Variants in CNBD1 observed in about 807,000 individuals in gnomAD.
The protein encoded by CNBD1 is cyclic nucleotide-binding domain-containing protein 1.
Under a neutral mutation model 54.4 loss-of-function variants are expected in CNBD1, and 71 were observed. That is an observed-to-expected ratio of 1.30 (90% confidence interval 1.08 to 1.59). The LOEUF (loss-of-function observed/expected upper bound fraction) is 1.59, where lower values mean the gene tolerates loss of function less well. Among genes scored for constraint, CNBD1 ranks in the 40% most tolerant of loss-of-function variants. The probability of loss-of-function intolerance (pLI) is 0.00; values close to 1 mark genes in which losing one functional copy is unlikely to be tolerated. For synonymous variants in CNBD1, 182 were observed against 170.7 expected (o/e 1.07, Z -0.51); for missense variants, 659 against 518.0 (o/e 1.27, Z -2.64).
intron 5 of CNBD1, among the ~76,000 whole-genome samples, chr8:87,233,220 T>C (rs990636902): frequency 1.3e-5 from 2 of 152,170 alleles, no homozygotes; most frequent in African/African-American, 4.8e-5. Context: ...GATTCTCCCA[T>C]AATTACACAA....
At chr8:86,888,101 A>T (rs1808707823) in intron 2 of CNBD1, among the ~76,000 whole-genome samples, 1 of 152,064 alleles carries the variant, frequency 6.6e-6, no homozygotes, top group South Asian at 2.1e-4. Context: ...GAATTATAAA[A>T]CTGGTTATTT....
chr8:87,411,723 C>A (rs2130985558), intron 2 of CNBD1, among the ~76,000 whole-genome samples: 1 of 149,630 alleles, frequency 6.7e-6, no homozygotes, highest in East Asian at 2.0e-4. Context: ...TGTAAATTTT[C>A]ACCACCAAGT....
chr8:87,001,401 G>A (rs928625109), intron 4 of CNBD1, among the ~76,000 whole-genome samples: 2 of 151,922 alleles, frequency 1.3e-5, no homozygotes, highest in African/African-American at 4.8e-5. Flanking sequence ...TTTGGAAGAG[G>A]ATATGTGCCT....
chr8:87,194,649 CTAA>C (rs752715759), intron 4 of CNBD1, among the ~76,000 whole-genome samples: 41 of 152,022 alleles, frequency 2.7e-4, no homozygotes, highest in African/African-American at 9.2e-4. Context: ...AATATTTTGA[CTAA>C]TGTTAATATG....
intron 8 of CNBD1, among the ~76,000 whole-genome samples, chr8:87,327,903 G>C (rs982273088): frequency 6.6e-6 from 1 of 151,718 alleles, no homozygotes; most frequent in African/African-American, 2.4e-5. Context: ...TTTTTGAGTT[G>C]ATTTTTGTGT....
intron 4 of CNBD1, among the ~76,000 whole-genome samples, chr8:87,064,081 C>T (rs1177652263): frequency 6.6e-6 from 1 of 151,684 alleles, no homozygotes; most frequent in Non-Finnish European, 1.5e-5. Flanking sequence ...ATCTTTATAC[C>T]CTTTTTCCCC....
chr8:87,384,086 G>C (rs80135892), downstream of CNBD1, among the ~76,000 whole-genome samples: 2,288 of 152,110 alleles, frequency 0.015, 59 homozygotes, highest in African/African-American at 0.049. Context: ...CATTTGGCTT[G>C]TCCTTTATAG....
chr8:87,339,789 G>T (rs78312755), intron 8 of CNBD1, among the ~76,000 whole-genome samples: 3 of 151,932 alleles, frequency 2.0e-5, no homozygotes, highest in Non-Finnish European at 4.4e-5. Flanking sequence ...CATACAATGA[G>T]TCTACACTTT....
At chr8:87,047,097 G>A (rs1245785800) in intron 4 of CNBD1, among the ~76,000 whole-genome samples, 1 of 152,022 alleles carries the variant, frequency 6.6e-6, no homozygotes, top group Non-Finnish European at 1.5e-5. Flanking sequence ...TTACCCTCCA[G>A]ACCTCCTCAC....
intron 10 of CNBD1, among the ~76,000 whole-genome samples, chr8:87,354,317 ATGGTAAGCATTCAGGGGTACTTG>A (rs1810374649): frequency 6.6e-6 from 1 of 152,176 alleles, no homozygotes; most frequent in Admixed American, 6.5e-5. Flanking sequence ...AGAAATATTT[ATGGTAAGCATTCAGGGGTACTTG>A]GTGGATCCCA....
chr8:87,228,779 C>G (rs1026619796), intron 5 of CNBD1, among the ~76,000 whole-genome samples: 5 of 152,092 alleles, frequency 3.3e-5, no homozygotes, highest in Non-Finnish European at 5.9e-5. Flanking sequence ...CCAGTTCGAG[C>G]TTCCAGGCTG....
At chr8:87,398,905 C>G (rs377185995) in intron 2 of CNBD1, among the ~76,000 whole-genome samples, 1 of 152,018 alleles carries the variant, frequency 6.6e-6, no homozygotes, top group African/African-American at 2.4e-5. Context: ...ATCAGACCCA[C>G]CTATTCTCCT....
chr8:87,409,937 C>T lies in CNBD1; in HGVS notation c.214-18609C>T, dbSNP rs1163554407. Among the ~76,000 whole-genome samples the T allele has an allele frequency of 6.6e-5, 10 of 151,820 alleles. No homozygotes were observed. In the South Asian group the frequency reaches 8.3e-4, roughly 13 times the overall value. On this transcript the variant is annotated intron_variant, in intron 2 of 7. Coordinates refer to the CNBD1 transcript ENST00000521593. ...ACTCAGGAGGCTGAGGCAGGAGAAT[C>T]GCTTGAACCCAGGAGAGGGAGGTTG...
chr8:87,024,670 T>C (rs898162222), intron 4 of CNBD1, among the ~76,000 whole-genome samples: 6 of 152,136 alleles, frequency 3.9e-5, no homozygotes, highest in African/African-American at 1.2e-4. Flanking sequence ...TAAAAAAAAG[T>C]AATTGATTAT....
intron 10 of CNBD1, among the ~76,000 whole-genome samples, chr8:87,367,987 C>A (rs1203462618): frequency 6.6e-6 from 1 of 151,910 alleles, no homozygotes; most frequent in Non-Finnish European, 1.5e-5. Context: ...CATGGTGAAA[C>A]CCAATCTTTC....
At chr8:86,869,317 G>A (rs908923187) in intron 1 of CNBD1, among the ~76,000 whole-genome samples, 4 of 150,916 alleles carry the variant, frequency 2.7e-5, no homozygotes, top group African/African-American at 4.9e-5. Context: ...GAGGCTCCTC[G>A]TAGCGTCATC....
At chr8:87,263,370 G>A (rs1351784403) in intron 6 of CNBD1, among the ~76,000 whole-genome samples, 1 of 151,640 alleles carries the variant, frequency 6.6e-6, no homozygotes, top group East Asian at 1.9e-4. Context: ...TTAGAACTTG[G>A]TATGCATAAT....
intron 4 of CNBD1, 32 bp downstream of exon 4, chr8:86,939,786 TTGAG>T (rs1809618963): frequency 3.8e-6 from 5 of 1,330,966 alleles, no homozygotes; most frequent in African/African-American, 3.0e-5. Flanking sequence ...CTTCTTCTAA[TTGAG>T]TAATTCTTTT....
At chr8:87,329,162 T>A (rs769320725) in intron 8 of CNBD1, among the ~76,000 whole-genome samples, 8 of 152,214 alleles carry the variant, frequency 5.3e-5, no homozygotes, top group Non-Finnish European at 8.8e-5. Context: ...TGTTCAGCAC[T>A]GTTCTTTGGA....
Sources: gnomAD v4.1 joint callset for allele counts (sites outside exome capture counted in the v4.1 genomes callset) on GRCh38, gnomAD v4.1.1 for gene constraint, MANE v1.5 for transcripts, NCBI Gene and HGNC (gene_info 2026-07-23, HGNC 2026-07-21) for gene names.